KCNN2: variants seen among roughly 807,000 people sequenced by gnomAD.
KCNN2 encodes the protein potassium calcium-activated channel subfamily N member 2.
KCNN2 carries 24 observed loss-of-function variants against 55.5 expected under a neutral mutation model. The ratio of observed to expected loss-of-function variants is 0.43; its 90% CI spans 0.31 to 0.61. KCNN2 has a LOEUF of 0.61. KCNN2 is among the 20% of genes least tolerant of loss of function. KCNN2 has a pLI of 0.08. For missense variants in KCNN2, 754 were observed against 853.6 expected, an observed-to-expected ratio of 0.88 and a Z score of 1.45; for synonymous variants, 431 against 336.1, an observed-to-expected ratio of 1.28 and a Z score of -3.09.
intron 2 of KCNN2, among the ~76,000 whole-genome samples, chr5:114,298,830 C>T (rs1303274269): frequency 4.6e-5 from 7 of 152,130 alleles, no homozygotes; most frequent in Admixed American, 6.5e-5. Context: ...CATGTGTGAT[C>T]GCTCTCTTTT....
intron 3 of KCNN2, among the ~76,000 whole-genome samples, chr5:114,411,863 C>G (rs1759145983): frequency 6.6e-6 from 1 of 152,156 alleles, no homozygotes; most frequent in Non-Finnish European, 1.5e-5. Flanking sequence ...CTAGGTATTC[C>G]TTAATCTAGT....
At chr5:114,191,691 A>C (rs371726831) in intron 1 of KCNN2, among the ~76,000 whole-genome samples, 1 of 152,192 alleles carries the variant, frequency 6.6e-6, no homozygotes, top group South Asian at 2.1e-4. Context: ...CATGCTGCTA[A>C]CTAAGAATGG....
intron 3 of KCNN2, among the ~76,000 whole-genome samples, chr5:114,431,685 A>G (rs1034671610): frequency 6.6e-6 from 1 of 151,918 alleles, no homozygotes; most frequent in Non-Finnish European, 1.5e-5. Flanking sequence ...CTGATTTTAA[A>G]ACTTCCTTCT....
chr5:114,373,761 A>G (rs2150052405), intron 2 of KCNN2, among the ~76,000 whole-genome samples: 1 of 146,716 alleles, frequency 6.8e-6, no homozygotes, highest in Non-Finnish European at 1.5e-5. Flanking sequence ...AAGGGGAGGA[A>G]TTGGAGCTCA....
intron 2 of KCNN2, among the ~76,000 whole-genome samples, chr5:114,287,533 G>T (rs1185640679): frequency 2.6e-5 from 4 of 151,866 alleles, no homozygotes; most frequent in Non-Finnish European, 5.9e-5. Context: ...TCACTGGTAA[G>T]TGGGAGTTGA....
intron 3 of KCNN2, among the ~76,000 whole-genome samples, chr5:114,442,359 C>T (rs1460263524): frequency 3.3e-5 from 5 of 150,312 alleles, no homozygotes; most frequent in Non-Finnish European, 7.4e-5. Context: ...AGGACAGGGA[C>T]ATTTATGTAG....
intron 2 of KCNN2, among the ~76,000 whole-genome samples, chr5:114,223,976 A>T (rs1754194181): frequency 6.6e-6 from 1 of 152,208 alleles, no homozygotes; most frequent in South Asian, 2.1e-4. Context: ...CTATTGGAAC[A>T]ACTAGCTACT....
intron 2 of KCNN2, among the ~76,000 whole-genome samples, chr5:114,383,887 T>G (rs529827993): frequency 9.3e-4 from 142 of 152,324 alleles, no homozygotes; most frequent in African/African-American, 3.3e-3. Context: ...TTTATGGCTA[T>G]TTTTTAGAAA....
intron 5 of KCNN2, among the ~76,000 whole-genome samples, chr5:114,478,815 A>G (rs1762092377): frequency 6.6e-6 from 1 of 152,154 alleles, no homozygotes; most frequent in Non-Finnish European, 1.5e-5. Context: ...TAAGTGAAGG[A>G]GAATATAAGA....
chr5:114,319,340 A>G lies in KCNN2; in HGVS notation c.-184-41605A>G, dbSNP rs544099510. Among the ~76,000 whole-genome samples the G allele has an allele frequency of 2.0e-5, 3 of 152,282 alleles. No individual in the cohort carries two copies. The South Asian group carries it at 6.2e-4, about 32-fold the overall frequency. On this transcript the variant is annotated intron_variant, in intron 2 of 10. Coordinates refer to the KCNN2 transcript ENST00000512097. ...TGTTTCCCTGAAGAGCCCTATGAAGACAGAGAAAGCAGAAGCTACACAGGT... is the reference window on the plus strand; with the variant it reads ...TGTTTCCCTGAAGAGCCCTATGAAGGCAGAGAAAGCAGAAGCTACACAGGT...
intron 1 of KCNN2, among the ~76,000 whole-genome samples, chr5:114,164,902 A>C (rs942472228): frequency 3.9e-5 from 6 of 152,160 alleles, no homozygotes; most frequent in Non-Finnish European, 8.8e-5. Flanking sequence ...TTATATGCCA[A>C]GTACTGTTTT....
At chr5:114,239,623 A>G (rs1754578293) in intron 2 of KCNN2, among the ~76,000 whole-genome samples, 1 of 152,154 alleles carries the variant, frequency 6.6e-6, no homozygotes, top group African/African-American at 2.4e-5. Flanking sequence ...GTTTTCAACT[A>G]TTTGGATCCT....
At chr5:114,208,066 A>G (rs1753810333) in intron 1 of KCNN2, among the ~76,000 whole-genome samples, 1 of 152,186 alleles carries the variant, frequency 6.6e-6, no homozygotes, top group South Asian at 2.1e-4. Context: ...GAGTCTCTGC[A>G]TATTAGCATT....
chr5:114,377,550 G>T (rs1445276856), intron 2 of KCNN2, among the ~76,000 whole-genome samples: 1 of 152,200 alleles, frequency 6.6e-6, no homozygotes, highest in Non-Finnish European at 1.5e-5. Flanking sequence ...GTCCAGCAGG[G>T]TGTGGGTGGC....
chr5:114,410,581 T>G (rs1759100798), intron 3 of KCNN2, among the ~76,000 whole-genome samples: 1 of 152,168 alleles, frequency 6.6e-6, no homozygotes, highest in South Asian at 2.1e-4. Context: ...CTGCACAGTT[T>G]GGATTCAAAA....
At chr5:114,172,674 C>T (rs924857473) in intron 1 of KCNN2, among the ~76,000 whole-genome samples, 1 of 150,014 alleles carries the variant, frequency 6.7e-6, no homozygotes, top group Non-Finnish European at 1.5e-5. Context: ...TTTTGATTTG[C>T]ATTTCTCTGA....
chr5:114,426,930 A>AT (rs1456172020), intron 3 of KCNN2, among the ~76,000 whole-genome samples: 2 of 152,306 alleles, frequency 1.3e-5, no homozygotes, highest in South Asian at 2.1e-4. Context: ...GTTCCATGGG[A>AT]TGAAGCATTA....
intron 1 of KCNN2, among the ~76,000 whole-genome samples, chr5:114,197,807 G>C (rs1035678818): frequency 1.1e-4 from 17 of 152,110 alleles, no homozygotes; most frequent in Admixed American, 1.0e-3. Context: ...TTCAGGAATA[G>C]CTTCCCAGGA....
upstream of KCNN2, among the ~76,000 whole-genome samples, chr5:114,358,749 C>T (rs186590292): frequency 3.7e-4 from 56 of 152,172 alleles, 1 homozygote; most frequent in East Asian, 0.01. Context: ...CTACTATCCA[C>T]GTGGAAGAAT....
Sources: gnomAD v4.1 joint callset for allele counts (sites outside exome capture counted in the v4.1 genomes callset) on GRCh38, gnomAD v4.1.1 for gene constraint, MANE v1.5 for transcripts, NCBI Gene and HGNC (gene_info 2026-07-23, HGNC 2026-07-21) for gene names.